Variants in BLOC1S3 observed in about 807,000 individuals in gnomAD.
BLOC1S3 encodes biogenesis of lysosome-related organelles complex 1 subunit 3.
BLOC1S3 carries 7 observed loss-of-function variants against 9.1 expected under a neutral mutation model. The observed-to-expected ratio is 0.77, with a 90% CI of 0.44 to 1.45. The LOEUF is 1.45. BLOC1S3 is among the 40% of genes most tolerant of loss of function. The probability of loss-of-function intolerance (pLI) is 0.01; values close to 1 mark genes in which losing one functional copy is unlikely to be tolerated. For synonymous variants in BLOC1S3, 145 were observed against 158.4 expected (o/e 0.92, Z 0.64); for missense variants, 307 against 315.2 (o/e 0.97, Z 0.20).
Position 45,180,074 on chromosome 19 carries a change from G to C in BLOC1S3, c.*169G>C. On this transcript the variant is annotated 3_prime_UTR_variant, in exon 2 of 2. Coordinates refer to ENST00000433642, the MANE Select transcript of BLOC1S3 (RefSeq NM_212550.5). Reference sequence around the variant, plus strand: ...TGGATAATGCTTTATATTGGATATAGTTCAACCCCTACTGCGGAGACCAGG... The same window carrying C: ...TGGATAATGCTTTATATTGGATATACTTCAACCCCTACTGCGGAGACCAGG... 1 of 709,000 alleles carries C rather than the reference G, an allele frequency of 1.4e-6. No homozygotes were observed. Among genetic ancestry groups the C allele is most frequent in the Non-Finnish European group, 2.3e-6 (1 of 444,176 alleles). The allele number at this position is 709,000 out of a possible 1,614,324, so 43.9% of individuals were successfully genotyped here.
chr19:45,215,954 CGT>C, intron 3 of BLOC1S3: 3 of 1,413,708 alleles, frequency 2.1e-6, no homozygotes, highest in Non-Finnish European at 2.9e-6. Flanking sequence ...AGGAAACGGC[CGT>C]CAGACACGCT....
intron 3 of BLOC1S3, chr19:45,212,921 G>C: frequency 1.1e-6 from 1 of 888,000 alleles, no homozygotes; most frequent in Non-Finnish European, 1.6e-6. Context: ...TCTGTACAGG[G>C]AGTTTGGGGT....
intron 3 of BLOC1S3, among the ~76,000 whole-genome samples, chr19:45,207,809 CA>C (rs1969739375): frequency 1.3e-5 from 2 of 152,122 alleles, no homozygotes; most frequent in Non-Finnish European, 2.9e-5. Context: ...CACCTGCATA[CA>C]CACACATGTG....
At position 45,179,666 on chromosome 19, in the gene BLOC1S3, G is replaced by T. The variant is rs1166090628; in HGVS notation, c.370G>T (p.Val124Leu). 1 of 1,466,732 alleles carries T rather than the reference G, an allele frequency of 6.8e-7. No homozygotes were observed. The highest frequency in any genetic ancestry group is 9.0e-7 in the Non-Finnish European group (1 of 1,115,074). The allele number at this position is 1,466,732 out of a possible 1,614,324, so 90.9% of individuals were successfully genotyped here. A position where few individuals can be genotyped will look rare whatever the true frequency, so the allele number is the denominator to read the frequency against. Residue 124 changes from valine to leucine, a missense_variant, in exon 2 of 2, where the codon GTG becomes TTG. Coordinates refer to ENST00000433642, the MANE Select transcript of BLOC1S3 (RefSeq NM_212550.5). This position sits in a 1 kb window ranked among gnomAD's most constrained non-coding sequence, Gnocchi z 4.6. The stretch of plus-strand genomic sequence containing the variant: ...GAGCCAGGCGCGGCTGGACCACGAC[G>T]TGGCGGCCGCCGTGAGCGGTGTCTA... ...AESQARLDHD[V>L]AAAVSGVYRR...
At position 45,179,709 on chromosome 19, in the gene BLOC1S3, A is replaced by G; in HGVS notation, c.413A>G (p.Asp138Gly). 1 of 1,459,044 alleles carries G rather than the reference A, an allele frequency of 6.9e-7. No individual in the cohort carries two copies. Among genetic ancestry groups the G allele is most frequent in the Non-Finnish European group, 9.0e-7 (1 of 1,112,328 alleles). 90.4% of individuals were successfully genotyped at this position (1,459,044 alleles called of 1,614,324 possible). A position where few individuals can be genotyped will look rare whatever the true frequency, so the allele number is the denominator to read the frequency against. The change falls in exon 2 of 2, where the codon GAC becomes GGC. Residue 138 changes from aspartate to glycine, a missense_variant. Transcript: ENST00000433642. The surrounding 1 kb of genome is among the most constrained non-coding windows in gnomAD (Gnocchi z 4.6). ...VSGVYRRAGR[D>G]VAALASRLAA... ...GGTGTCTACCGCCGTGCAGGCCGCG[A>G]CGTGGCCGCCCTGGCTAGTAGGCTG...
At chr19:45,204,691 A>G (rs1969714845) in intron 3 of BLOC1S3, among the ~76,000 whole-genome samples, 1 of 152,038 alleles carries the variant, frequency 6.6e-6, no homozygotes, top group South Asian at 2.1e-4. Flanking sequence ...TGCCATGCCC[A>G]GCTTCAGCTT....
chr19:45,192,424 G>A (rs925197281), intron 2 of BLOC1S3, among the ~76,000 whole-genome samples: 2 of 152,004 alleles, frequency 1.3e-5, no homozygotes, highest in African/African-American at 2.4e-5. Context: ...CACTGTGGCC[G>A]AGCTGGTAAC....
downstream of BLOC1S3, among the ~76,000 whole-genome samples, chr19:45,184,903 C>CAAACAAAA (rs1334862577): frequency 2.1e-5 from 1 of 48,278 alleles, no homozygotes; most frequent in African/African-American, 7.1e-5. Context: ...CTGTCTCAAA[C>CAAACAAAA]AAAAAAAAAA....
At position 45,211,801 on chromosome 19, in the gene BLOC1S3, A is replaced by G. The variant is rs1371126638; in HGVS notation, n.283-4875A>G. Among the ~76,000 whole-genome samples the G allele has an allele frequency of 3.6e-4, 21 of 58,142 alleles. No individual in the cohort carries two copies. The East Asian group carries it at 5.9e-3, about 16-fold the overall frequency. The allele number at this position is 58,142 out of a possible 152,430, so 38.1% of individuals were successfully genotyped here. On this transcript the variant is annotated intron_variant and non_coding_transcript_variant, in intron 3 of 3. Transcript: ENST00000591569. Reference sequence around the variant, plus strand: ...GCCTCCTCTTTCTGACTTCTCAGGGAAAAAAAAAAAAACCACATACACACA... The same window carrying G: ...GCCTCCTCTTTCTGACTTCTCAGGGGAAAAAAAAAAAACCACATACACACA...
At chr19:45,208,523 G>A (rs1441596706) in intron 3 of BLOC1S3, among the ~76,000 whole-genome samples, 2 of 152,068 alleles carry the variant, frequency 1.3e-5, no homozygotes, top group East Asian at 3.9e-4. Context: ...AGGCCCAGGT[G>A]GGCAGATCAC....
At chr19:45,189,457 A>G (rs1443469106) in intron 2 of BLOC1S3, among the ~76,000 whole-genome samples, 1 of 139,964 alleles carries the variant, frequency 7.1e-6, no homozygotes, top group East Asian at 2.1e-4. Flanking sequence ...TTTGAGACGG[A>G]GTTTCGCTCT....
chr19:45,202,731 A>AC (rs1302805270), intron 3 of BLOC1S3, among the ~76,000 whole-genome samples: 1 of 151,954 alleles, frequency 6.6e-6, no homozygotes, highest in Non-Finnish European at 1.5e-5. Flanking sequence ...CCCCAGGGCC[A>AC]CCACAGCTGG....
chr19:45,189,792 T>C (rs1969592080), intron 2 of BLOC1S3, among the ~76,000 whole-genome samples: 1 of 152,100 alleles, frequency 6.6e-6, no homozygotes, highest in African/African-American at 2.4e-5. Flanking sequence ...TACATTTGAA[T>C]ACCGATATCC....
At chr19:45,183,768 A>G (rs1969545969), downstream of BLOC1S3, among the ~76,000 whole-genome samples, 1 of 151,298 alleles carries the variant, frequency 6.6e-6, no homozygotes, top group South Asian at 2.1e-4. Flanking sequence ...CTGGGATTAT[A>G]GGCACGTGCC....
downstream of BLOC1S3, among the ~76,000 whole-genome samples, chr19:45,183,801 ATT>A (rs931907812): frequency 1.4e-5 from 2 of 146,220 alleles, no homozygotes; most frequent in Admixed American, 1.4e-4. Context: ...TAGTTTTTCT[ATT>A]TTTTTTTCTT....
chr19:45,179,475 C>CCGCGGAGACCGA lies in BLOC1S3; in HGVS notation c.181_192dup (p.Ala61_Asp64dup). ...ACGGGGCTGCGGGTGGCTGGGGAAGCCGCGGAGACCGACTCGGAGCCGGAG... is the reference window on the plus strand; with the variant it reads ...ACGGGGCTGCGGGTGGCTGGGGAAGCCGCGGAGACCGACGCGGAGACCGACTCGGAGCCGGAG... On this transcript the variant is annotated inframe_insertion, in exon 2 of 2. Transcript: ENST00000433642. This position sits in a 1 kb window ranked among gnomAD's most constrained non-coding sequence, Gnocchi z 4.6. 6.6e-7 allele frequency: 1 copy of CCGCGGAGACCGA among 1,522,772 alleles called. No individual in the cohort carries two copies. The highest frequency in any genetic ancestry group is 8.8e-7 in the Non-Finnish European group (1 of 1,141,442). 94.3% of individuals were successfully genotyped at this position (1,522,772 alleles called of 1,614,324 possible). A position where few individuals can be genotyped will look rare whatever the true frequency, so the allele number is the denominator to read the frequency against.
Position 45,179,243 on chromosome 19 carries a change from C to A in BLOC1S3, c.-9-45C>A, listed in dbSNP as rs143223636. On this transcript the variant is annotated intron_variant, in intron 1 of 1. Transcript: ENST00000433642. The surrounding 1 kb of genome is among the most constrained non-coding windows in gnomAD (Gnocchi z 4.6). ...TCCAGGACCTGCGCCTTTTACCCAC[C>A]GCGGCGCCGGTCTCACGTGCAGTCC... 4.1e-4 allele frequency: 606 copies of A among 1,462,638 alleles called. 10 individuals are homozygous for A. The East Asian group carries it at 0.016, about 39-fold the overall frequency. The allele number at this position is 1,462,638 out of a possible 1,614,324, so 90.6% of individuals were successfully genotyped here.
chr19:45,199,446 G>T (rs1417028404), intron 2 of BLOC1S3, among the ~76,000 whole-genome samples: 10 of 150,424 alleles, frequency 6.6e-5, no homozygotes, highest in Non-Finnish European at 1.5e-4. Context: ...CTCCCGAGTA[G>T]CTGGGATTAC....
At chr19:45,189,134 A>G (rs1204524369) in intron 2 of BLOC1S3, among the ~76,000 whole-genome samples, 8 of 150,348 alleles carry the variant, frequency 5.3e-5, no homozygotes, top group Admixed American at 4.0e-4. Context: ...TTATTTTTGT[A>G]CCCATTAACC....
Sources: gnomAD v4.1 joint callset for allele counts (sites outside exome capture counted in the v4.1 genomes callset) on GRCh38, gnomAD v4.1.1 for gene constraint, Gnocchi (gnomAD v3.1) non-coding constraint, MANE v1.5 for transcripts, NCBI Gene and HGNC (gene_info 2026-07-23, HGNC 2026-07-21) for gene names.